TSHZ1: variants seen among roughly 807,000 people sequenced by gnomAD.
TSHZ1 encodes the protein teashirt zinc finger homeobox 1.
Under a neutral mutation model 67.1 loss-of-function variants are expected in TSHZ1, and 12 were observed. The ratio of observed to expected loss-of-function variants is 0.18; its 90% CI spans 0.11 to 0.29. The LOEUF is 0.29. Ranked by LOEUF, TSHZ1 falls within the 10% of genes least tolerant of loss-of-function variation. The pLI, the probability that TSHZ1 is intolerant of heterozygous loss-of-function variation, is 1.00. For missense variants in TSHZ1, 1,305 were observed against 1,413.9 expected (o/e 0.92, Z 1.23); for synonymous variants, 632 against 622.4 (o/e 1.02, Z -0.23).
intron 1 of TSHZ1, among the ~76,000 whole-genome samples, chr18:75,239,078 G>C (rs1020742536): frequency 6.6e-6 from 1 of 152,236 alleles, no homozygotes; most frequent in Non-Finnish European, 1.5e-5. Flanking sequence ...GGTGGCCGCG[G>C]TGTAAACTTC....
chr18:75,216,038 T>C (rs976147179), intron 1 of TSHZ1, among the ~76,000 whole-genome samples: 1 of 152,232 alleles, frequency 6.6e-6, no homozygotes, highest in African/African-American at 2.4e-5. Flanking sequence ...TATTCATTCA[T>C]TCATTCACTA....
Position 75,288,039 on chromosome 18 carries a change from G to A in TSHZ1, c.2632G>A (p.Glu878Lys), listed in dbSNP as rs529849837. ...CAGCAGCTTTGAGGAGGCGTTGGAC[G>A]AGCTGTCACCGGTCCACAAGAGGAA... ...DGSSFEEALDELSPVHKRKGR... is the reference protein window; with the variant it reads ...DGSSFEEALDKLSPVHKRKGR... Residue 878 changes from glutamate (E) to lysine (K), a missense_variant, in exon 2 of 2, where the codon GAG becomes AAG. Coordinates refer to ENST00000580243, the MANE Select transcript of TSHZ1 (RefSeq NM_001308210.2). This position sits in a 1 kb window ranked among gnomAD's most constrained non-coding sequence, Gnocchi z 4.9. 4.3e-5 allele frequency: 70 copies of A among 1,613,938 alleles called. No individual in the cohort carries two copies. Among genetic ancestry groups the A allele is most frequent in the Non-Finnish European group, 5.0e-5 (59 of 1,180,048 alleles).
Position 75,288,200 on chromosome 18 carries a change from GT to G in TSHZ1, c.2796del (p.Phe932LeufsTer6). ...GPQERVHISK[F>X]TGLSMTTISH... ...CGCAGGAGAGGGTGCACATCTCGAA[GT>G]TTACTGGGCTCTCCATGACCACCAT... On this transcript the variant is annotated frameshift_variant, in exon 2 of 2. Coordinates refer to ENST00000580243, the MANE Select transcript of TSHZ1 (RefSeq NM_001308210.2). LOFTEE classifies it high-confidence loss of function. The surrounding 1 kb of genome is among the most constrained non-coding windows in gnomAD (Gnocchi z 4.9). 1 of 1,614,236 alleles carries G rather than the reference GT, an allele frequency of 6.2e-7. No homozygotes were observed. The highest frequency in any genetic ancestry group is 8.5e-7 in the Non-Finnish European group (1 of 1,180,050).
At chr18:75,222,560 C>G (rs534405887) in intron 1 of TSHZ1, among the ~76,000 whole-genome samples, 6 of 152,098 alleles carry the variant, frequency 3.9e-5, no homozygotes, top group Admixed American at 3.9e-4. Flanking sequence ...CTTGAGCACT[C>G]CAGGAGCTCA....
rs1398941751 is a variant in TSHZ1, at chr18:75,288,577, G to A, written c.3170G>A (p.Ser1057Asn). Residue 1057 changes from serine to asparagine, a missense_variant, in exon 2 of 2, where the codon AGT (serine) becomes AAT (asparagine). Ser to Asn is a conservative substitution (Grantham distance 46). Coordinates refer to ENST00000580243, the MANE Select transcript of TSHZ1 (RefSeq NM_001308210.2). The surrounding 1 kb of genome is among the most constrained non-coding windows in gnomAD (Gnocchi z 4.9). ...ASKHAVKLHL[S>N]KTHGKSPEDH... ...AAGCACGCAGTCAAACTGCACCTTA[G>A]TAAGACCCACGGCAAGTCTCCCGAG... 9 of 1,613,864 alleles carry A rather than the reference G, an allele frequency of 5.6e-6. No individual in the cohort carries two copies. The highest frequency in any genetic ancestry group is 7.6e-6 in the Non-Finnish European group (9 of 1,179,910).
Position 75,211,103 on chromosome 18 carries a change from A to T in TSHZ1, c.-774A>T, listed in dbSNP as rs2022674842. 1 of 151,806 alleles carries T rather than the reference A, an allele frequency of 6.6e-6. No homozygotes were observed. The highest frequency in any genetic ancestry group is 2.1e-4 in the South Asian group (1 of 4,828). 9.4% of individuals were successfully genotyped at this position (151,806 alleles called of 1,614,324 possible). On this transcript the variant is annotated 5_prime_UTR_variant, in exon 1 of 2. Transcript: ENST00000580243. ...AAAATGTGTTTGCATTAGATTTCGC[A>T]TTGGAAGAAGCGGCGATCCTGGCGG...
intron 1 of TSHZ1, among the ~76,000 whole-genome samples, chr18:75,262,873 C>T (rs1835377622): frequency 6.6e-6 from 1 of 152,202 alleles, no homozygotes. Flanking sequence ...TTCTGACCTT[C>T]GAGGGGCTCA....
At chr18:75,276,855 C>T (rs17056775) in intron 1 of TSHZ1, among the ~76,000 whole-genome samples, 1,885 of 152,330 alleles carry the variant, frequency 0.012, 31 homozygotes, top group South Asian at 0.049. Context: ...TTGTGTTTGT[C>T]ACTTTTGAAC....
intron 1 of TSHZ1, among the ~76,000 whole-genome samples, chr18:75,223,981 G>A (rs892036393): frequency 1.6e-4 from 24 of 149,184 alleles, no homozygotes; most frequent in Admixed American, 1.3e-3. Context: ...ATTCTGAGCA[G>A]AGTGCAAATC....
At chr18:75,238,674 C>T (rs2023114226) in intron 1 of TSHZ1, among the ~76,000 whole-genome samples, 1 of 151,880 alleles carries the variant, frequency 6.6e-6, no homozygotes. Context: ...AGGGGAGTGT[C>T]TTCTTAAGAA....
intron 1 of TSHZ1, among the ~76,000 whole-genome samples, chr18:75,274,843 T>C (rs2023598240): frequency 6.6e-6 from 1 of 152,216 alleles, no homozygotes; most frequent in Non-Finnish European, 1.5e-5. Context: ...CATGATAGTG[T>C]TGATATAACT....
intron 1 of TSHZ1, among the ~76,000 whole-genome samples, chr18:75,237,503 C>T (rs190149402): frequency 1.3e-5 from 2 of 152,242 alleles, no homozygotes; most frequent in East Asian, 3.9e-4. Context: ...GCCTGGGCAA[C>T]CGAGAAAGGC....
At chr18:75,276,004 T>G (rs1360804144) in intron 1 of TSHZ1, among the ~76,000 whole-genome samples, 1 of 152,240 alleles carries the variant, frequency 6.6e-6, no homozygotes, top group African/African-American at 2.4e-5. Context: ...TTTCATCTTT[T>G]ACATACGGTT....
At position 75,234,664 on chromosome 18, in the gene TSHZ1, G is replaced by T. The variant is rs188411666; in HGVS notation, c.40+22748G>T. 6.6e-3 allele frequency among the ~76,000 whole-genome samples: 1,001 copies of T among 151,358 alleles called. 13 individuals are homozygous for T. The highest frequency in any genetic ancestry group is 0.023 in the African/African-American group (960 of 41,182). On this transcript the variant is annotated intron_variant, in intron 1 of 1. Transcript: ENST00000580243. ...TCATTATTGTGTTTTTATGGTATTTGGTTGGATACCAACTCAAATTAAAAA... is the reference window on the plus strand; with the variant it reads ...TCATTATTGTGTTTTTATGGTATTTTGTTGGATACCAACTCAAATTAAAAA...
chr18:75,216,840 G>C (rs762981332), intron 1 of TSHZ1, among the ~76,000 whole-genome samples: 3 of 152,108 alleles, frequency 2.0e-5, no homozygotes, highest in Non-Finnish European at 4.4e-5. Flanking sequence ...GGTCAGGATG[G>C]TATTGGCTTG....
intron 1 of TSHZ1, among the ~76,000 whole-genome samples, chr18:75,228,163 G>A (rs151071116): frequency 1.8e-4 from 28 of 152,300 alleles, no homozygotes; most frequent in African/African-American, 4.8e-4. Context: ...TCACTATAGC[G>A]TGATTTACTT....
chr18:75,288,409 C>G lies in TSHZ1; in HGVS notation c.3002C>G (p.Ser1001Cys). The G allele has an allele frequency of 6.2e-7, 1 of 1,614,210 alleles. No homozygotes were observed. Among genetic ancestry groups the G allele is most frequent in the South Asian group, 1.1e-5 (1 of 91,082 alleles). Residue 1001 changes from serine to cysteine, a missense_variant, in exon 2 of 2, where the codon TCC becomes TGC. Coordinates refer to ENST00000580243, the MANE Select transcript of TSHZ1 (RefSeq NM_001308210.2). The surrounding 1 kb of genome is among the most constrained non-coding windows in gnomAD (Gnocchi z 4.9). ...TTGGGCTTCAGCCTGAAGGATCTCT[C>G]CAAGCTGCCACTCAATCAGATTCAA... ...THLGFSLKDL[S>C]KLPLNQIQEQ... is the part of the protein sequence containing the mutation.
At chr18:75,257,179 A>G (rs536943148) in intron 1 of TSHZ1, among the ~76,000 whole-genome samples, 1 of 152,344 alleles carries the variant, frequency 6.6e-6, no homozygotes, top group East Asian at 1.9e-4. Flanking sequence ...GGGGATCATT[A>G]ATGAACTAAC....
At chr18:75,230,422 C>T (rs979176197) in intron 1 of TSHZ1, among the ~76,000 whole-genome samples, 1 of 152,166 alleles carries the variant, frequency 6.6e-6, no homozygotes, top group Non-Finnish European at 1.5e-5. Flanking sequence ...AGAAGTGACT[C>T]AACTTTCGCA....
Sources: allele counts gnomAD v4.1 joint callset (sites outside exome capture counted in the v4.1 genomes callset), GRCh38; gene constraint gnomAD v4.1.1; non-coding constraint Gnocchi (gnomAD v3.1); transcripts MANE v1.5; gene names NCBI Gene and HGNC (gene_info 2026-07-23, HGNC 2026-07-21).